Variants in GPM6A observed in about 807,000 individuals in gnomAD.
GPM6A encodes the protein neuronal membrane glycoprotein M6-a.
GPM6A carries 7 observed loss-of-function variants against 32.1 expected under a neutral mutation model. That is an observed-to-expected ratio of 0.22 (90% CI 0.12 to 0.41). The LOEUF (loss-of-function observed/expected upper bound fraction) is 0.41, where lower values mean the gene tolerates loss of function less well. Ranked by LOEUF, GPM6A falls within the 10% of genes least tolerant of loss-of-function variation. The pLI, the probability that GPM6A is intolerant of heterozygous loss-of-function variation, is 1.00. For synonymous variants in GPM6A, 130 were observed against 123.4 expected, an observed-to-expected ratio of 1.05 and a Z score of -0.35; for missense variants, 235 against 347.2, an observed-to-expected ratio of 0.68 and a Z score of 2.57.
Position 175,794,923 on chromosome 4 carries a change from A to G in GPM6A, c.37+17268T>C, listed in dbSNP as rs540515710. 5.3e-5 allele frequency among the ~76,000 whole-genome samples: 8 copies of G among 152,372 alleles called. No homozygotes were observed. The South Asian group carries it at 1.7e-3, about 32-fold the overall frequency. ...GAAACAATGGAAGCCTTTACGCAAC[A>G]GAATCCATGAATATATTTTGTTTGA... On this transcript the variant is annotated intron_variant, in intron 1 of 6. Coordinates refer to ENST00000393658, the MANE Select transcript of GPM6A (RefSeq NM_201591.3).
At chr4:175,866,044 G>GT (rs1736723529) in intron 1 of GPM6A, among the ~76,000 whole-genome samples, 1 of 152,126 alleles carries the variant, frequency 6.6e-6, no homozygotes, top group Non-Finnish European at 1.5e-5. Context: ...AACTTTAGTA[G>GT]TTTAAGTCTT....
chr4:175,681,330 A>G (rs778696381), intron 2 of GPM6A, among the ~76,000 whole-genome samples: 8 of 152,114 alleles, frequency 5.3e-5, no homozygotes, highest in Non-Finnish European at 1.0e-4. Flanking sequence ...TGCTTTATTT[A>G]TCTTAGGTAT....
chr4:175,879,603 C>G (rs1737203809), intron 1 of GPM6A, among the ~76,000 whole-genome samples: 3 of 152,136 alleles, frequency 2.0e-5, no homozygotes, highest in Admixed American at 2.0e-4. Flanking sequence ...ATTCAATTAT[C>G]TCCACCTGTT....
intron 1 of GPM6A, among the ~76,000 whole-genome samples, chr4:175,944,431 A>G (rs1339739383): frequency 6.6e-5 from 10 of 152,312 alleles, no homozygotes; most frequent in South Asian, 4.1e-4. Context: ...TTTCTTTTTA[A>G]GTGTTTGTAA....
chr4:175,723,019 A>G (rs1746226223), intron 1 of GPM6A, among the ~76,000 whole-genome samples: 1 of 152,210 alleles, frequency 6.6e-6, no homozygotes, highest in Admixed American at 6.5e-5. Context: ...ACTGCACTCC[A>G]GCCTGGGTGA....
intron 1 of GPM6A, among the ~76,000 whole-genome samples, chr4:175,776,602 G>A (rs1211092679): frequency 2.0e-5 from 3 of 152,094 alleles, no homozygotes; most frequent in South Asian, 4.1e-4. Context: ...AAGCTGCCCC[G>A]GGAAATCAGT....
intron 1 of GPM6A, among the ~76,000 whole-genome samples, chr4:175,758,409 A>G (rs1219771164): frequency 6.6e-6 from 1 of 152,176 alleles, no homozygotes; most frequent in Non-Finnish European, 1.5e-5. Context: ...AGCAAGTGAT[A>G]TGATGAAAGT....
chr4:175,988,185 A>G (rs1391677499), intron 1 of GPM6A, among the ~76,000 whole-genome samples: 3 of 152,134 alleles, frequency 2.0e-5, no homozygotes, highest in Admixed American at 6.5e-5. Flanking sequence ...TGTTGCCACT[A>G]TAGCCCACTT....
intron 1 of GPM6A, among the ~76,000 whole-genome samples, chr4:175,982,924 C>A (rs1188955516): frequency 2.0e-5 from 3 of 152,018 alleles, no homozygotes; most frequent in African/African-American, 7.2e-5. Flanking sequence ...TATTTTTCTG[C>A]ATAAACGGCA....
chr4:175,962,561 C>G (rs1579667986), intron 1 of GPM6A: 18 of 383,424 alleles, frequency 4.7e-5, no homozygotes, highest in South Asian at 3.9e-4. Flanking sequence ...GCTCTGCAGC[C>G]TCCTGTACTC....
chr4:175,962,446 C>T (rs1442896544), intron 1 of GPM6A: 6 of 680,746 alleles, frequency 8.8e-6, no homozygotes, highest in Non-Finnish European at 1.7e-5. Flanking sequence ...CAACCTAGGA[C>T]AATAAGGCAA....
chr4:175,942,189 T>C (rs1225373657), intron 1 of GPM6A, among the ~76,000 whole-genome samples: 2 of 152,192 alleles, frequency 1.3e-5, no homozygotes, highest in Non-Finnish European at 1.5e-5. Context: ...TTTTGAGAAG[T>C]GTATGTTCTT....
chr4:175,651,863 G>T lies in GPM6A; in HGVS notation c.512C>A (p.Ala171Glu). ...CTGACGAAGGTCCAAGCAGAGATTT[G>T]CTCCCTCCACTAATGTGGTGTTCCG... ...ICRNTTLVEG[A>E]NLCLDLRQFG... Residue 171 changes from alanine to glutamate, a missense_variant, in exon 4 of 7, where the codon GCA becomes GAA. Ala to Glu is a moderately radical substitution (Grantham distance 107, BLOSUM62 -1). Around this residue, in one of 3 missense-constraint regions of GPM6A, gnomAD observed 107 missense variants for 116.7 expected, o/e 0.92. Coordinates refer to ENST00000393658, the MANE Select transcript of GPM6A (RefSeq NM_201591.3). The T allele has an allele frequency of 6.2e-7, 1 of 1,613,104 alleles. No homozygotes were observed. Among genetic ancestry groups the T allele is most frequent in the East Asian group, 2.2e-5 (1 of 44,802 alleles).
chr4:175,803,394 G>A (rs772011862), intron 1 of GPM6A, among the ~76,000 whole-genome samples: 14 of 152,156 alleles, frequency 9.2e-5, no homozygotes, highest in Admixed American at 2.0e-4. Context: ...ACAACAATTC[G>A]AAAAAGTTAT....
chr4:175,873,032 A>C (rs1050377414), intron 1 of GPM6A, among the ~76,000 whole-genome samples: 2 of 152,188 alleles, frequency 1.3e-5, no homozygotes, highest in African/African-American at 4.8e-5. Flanking sequence ...ATAAGATATT[A>C]AATAAAATAA....
intron 1 of GPM6A, among the ~76,000 whole-genome samples, chr4:175,853,272 A>G (rs1356695940): frequency 1.3e-5 from 2 of 152,134 alleles, no homozygotes; most frequent in African/African-American, 4.8e-5. Context: ...CAAAAATACT[A>G]TTGAAATAAG....
chr4:175,873,946 T>C (rs1054658576), intron 1 of GPM6A, among the ~76,000 whole-genome samples: 5 of 152,182 alleles, frequency 3.3e-5, no homozygotes, highest in Non-Finnish European at 5.9e-5. Context: ...TAGTAACTTA[T>C]TAATTTAACA....
At chr4:175,652,027 A>G (rs1480601252) in intron 3 of GPM6A, 40 bp from the exon 4 acceptor site, 1 of 1,531,708 alleles carries the variant, frequency 6.5e-7, no homozygotes, top group Admixed American at 1.9e-5. Flanking sequence ...AATGTAATCT[A>G]CCAAAAAAGA....
intron 6 of GPM6A, 51 bp from the exon 7 acceptor site, chr4:175,635,108 T>C: frequency 7.3e-7 from 1 of 1,373,022 alleles, no homozygotes; most frequent in Non-Finnish European, 1.0e-6. Flanking sequence ...AGTGTCTTCA[T>C]TACACCTTGC....
Sources: allele counts gnomAD v4.1 joint callset (sites outside exome capture counted in the v4.1 genomes callset), GRCh38; gene constraint gnomAD v4.1.1; regional missense constraint gnomAD v4.1.1; transcripts MANE v1.5; gene names NCBI Gene and HGNC (gene_info 2026-07-23, HGNC 2026-07-21).